Variants in NBAS observed in about 807,000 individuals in gnomAD.
NBAS encodes the protein NBAS subunit of NRZ tethering complex.
A neutral mutation model predicts 302.5 loss-of-function variants in NBAS; 219 were observed. The ratio of observed to expected loss-of-function variants is 0.72; its 90% CI spans 0.65 to 0.81. The LOEUF is 0.81. NBAS is among the 30% of genes least tolerant of loss of function. NBAS has a pLI of 0.00. For missense variants in NBAS, 2,932 were observed against 2,841.6 expected, an observed-to-expected ratio of 1.03 and a Z score of -0.72; for synonymous variants, 1,118 against 1,021.6, an observed-to-expected ratio of 1.09 and a Z score of -1.80.
chr2:15,002,706 G>A, the NBAS span, among the ~76,000 whole-genome samples: 1 of 152,236 alleles, frequency 6.6e-6, no homozygotes, highest in African/African-American at 2.4e-5. Context: ...GGCCCGGCCA[G>A]AAATCGAGCA....
chr2:14,896,833 C>A, the NBAS span, among the ~76,000 whole-genome samples: 1 of 152,162 alleles, frequency 6.6e-6, no homozygotes, highest in Non-Finnish European at 1.5e-5. Context: ...CATAATGTCT[C>A]TGTTGATAAT....
chr2:15,531,774 C>T (rs1165861504), intron 9 of NBAS, among the ~76,000 whole-genome samples: 5 of 152,104 alleles, frequency 3.3e-5, no homozygotes, highest in Non-Finnish European at 7.3e-5. Context: ...AATACTCTTC[C>T]CCCAGATACC....
At chr2:15,382,727 T>C (rs188301149) in intron 29 of NBAS, among the ~76,000 whole-genome samples, 1 of 152,062 alleles carries the variant, frequency 6.6e-6, no homozygotes, top group East Asian at 1.9e-4. Flanking sequence ...TGCTAAGGAG[T>C]AGAGCTACTT....
At chr2:15,490,570 T>C (rs536261268) in intron 11 of NBAS, among the ~76,000 whole-genome samples, 6 of 152,146 alleles carry the variant, frequency 3.9e-5, no homozygotes, top group African/African-American at 1.4e-4. Flanking sequence ...ATAAGCTCCA[T>C]GGTTTTGTAT....
chr2:15,323,499 A>C (rs938504796), intron 38 of NBAS, among the ~76,000 whole-genome samples: 1 of 152,180 alleles, frequency 6.6e-6, no homozygotes, highest in African/African-American at 2.4e-5. Flanking sequence ...ATCTGAAGTG[A>C]AACTTTCCAA....
At chr2:15,548,598 G>T (rs758803147) in intron 6 of NBAS, among the ~76,000 whole-genome samples, 5 of 152,034 alleles carry the variant, frequency 3.3e-5, no homozygotes, top group Non-Finnish European at 5.9e-5. Context: ...AGCTGAGATC[G>T]CACCACTGCA....
At chr2:14,826,704 T>C in the NBAS span, among the ~76,000 whole-genome samples, 2 of 152,224 alleles carry the variant, frequency 1.3e-5, no homozygotes, top group African/African-American at 4.8e-5. Flanking sequence ...GATCACATCA[T>C]GCTCCTGTAG....
At chr2:15,368,363 C>T (rs1674322293) in intron 31 of NBAS, among the ~76,000 whole-genome samples, 1 of 151,972 alleles carries the variant, frequency 6.6e-6, no homozygotes, top group Admixed American at 6.6e-5. Context: ...CCACGCCTGG[C>T]TAACTTTTGT....
chr2:15,388,196 TC>T (rs1170967860), intron 28 of NBAS, among the ~76,000 whole-genome samples: 8 of 152,204 alleles, frequency 5.3e-5, no homozygotes, highest in African/African-American at 1.9e-4. Context: ...CAACAATGTT[TC>T]ATAATTTTCA....
intron 21 of NBAS, among the ~76,000 whole-genome samples, chr2:15,450,431 G>T (rs535791888): frequency 1.3e-5 from 2 of 152,116 alleles, no homozygotes; most frequent in South Asian, 4.2e-4. Flanking sequence ...TTCCAAGAAG[G>T]CTTTCCTGAT....
chr2:15,136,222 T>C, the NBAS span, among the ~76,000 whole-genome samples: 1 of 152,230 alleles, frequency 6.6e-6, no homozygotes, highest in Non-Finnish European at 1.5e-5. Flanking sequence ...ATCCTCTTAT[T>C]GGCTCAGCTG....
At chr2:15,232,661 G>C in intron 46 of NBAS, 150 bp from the exon 47 acceptor site, 1 of 711,630 alleles carries the variant, frequency 1.4e-6, no homozygotes, top group Non-Finnish European at 2.4e-6. Flanking sequence ...GTCTACAAAT[G>C]TACGAAGCCC....
chr2:14,965,633 C>T, the NBAS span, among the ~76,000 whole-genome samples: 1 of 152,224 alleles, frequency 6.6e-6, no homozygotes, highest in East Asian at 1.9e-4. Flanking sequence ...ACAATTTATT[C>T]CAGCAAATAG....
intron 42 of NBAS, 136 bp from the exon 43 acceptor site, chr2:15,277,237 A>G: frequency 9.1e-7 from 1 of 1,098,874 alleles, no homozygotes; most frequent in Non-Finnish European, 1.3e-6. Context: ...AACCACCACC[A>G]GAAGCCAGTC....
the NBAS span, among the ~76,000 whole-genome samples, chr2:14,974,384 G>A: frequency 6.6e-5 from 10 of 152,158 alleles, no homozygotes; most frequent in Non-Finnish European, 1.3e-4. Context: ...CATGGCATGG[G>A]GCCAGAGAAA....
At chr2:14,785,801 G>T in the NBAS span, among the ~76,000 whole-genome samples, 2 of 152,044 alleles carry the variant, frequency 1.3e-5, no homozygotes, top group Non-Finnish European at 1.5e-5. Flanking sequence ...TTGTGTCTCT[G>T]CCCAGCTTTG....
intron 38 of NBAS, among the ~76,000 whole-genome samples, chr2:15,310,596 C>A (rs1278430761): frequency 1.3e-5 from 2 of 152,048 alleles, no homozygotes; most frequent in African/African-American, 2.4e-5. Context: ...TTCAAAGGGC[C>A]CAAATCAAAT....
the NBAS span, among the ~76,000 whole-genome samples, chr2:15,147,492 C>T: frequency 1.1e-3 from 163 of 152,184 alleles, no homozygotes; most frequent in Middle Eastern, 3.4e-3. Flanking sequence ...ACTCGGGAGG[C>T]TGAGGCAGGA....
chr2:15,089,742 CTTTTTTTTTTTTTTT>C, the NBAS span, among the ~76,000 whole-genome samples: 1 of 78,798 alleles, frequency 1.3e-5, no homozygotes, highest in African/African-American at 5.0e-5. Context: ...TGGGTCAGGA[CTTTTTTTTTTTTTTT>C]TTTTTTTTTG....
Sources: gnomAD v4.1 joint callset for allele counts (sites outside exome capture counted in the v4.1 genomes callset) on GRCh38, gnomAD v4.1.1 for gene constraint, MANE v1.5 for transcripts, NCBI Gene and HGNC (gene_info 2026-07-23, HGNC 2026-07-21) for gene names.